ZNF763: variants seen among roughly 807,000 people sequenced by gnomAD.
ZNF763 encodes the protein DNA-binding protein.
ZNF763 carries 33 observed loss-of-function variants against 38.0 expected under a neutral mutation model. The ratio of observed to expected loss-of-function variants is 0.87; its 90% CI spans 0.66 to 1.16. The LOEUF is 1.16. Among genes scored for constraint, ZNF763 ranks in the 50% most tolerant of loss-of-function variants. The probability of loss-of-function intolerance (pLI) is 0.00; values close to 1 mark genes in which losing one functional copy is unlikely to be tolerated. For synonymous variants in ZNF763, 155 were observed against 160.1 expected (o/e 0.97, Z 0.24); for missense variants, 423 against 469.1 (o/e 0.90, Z 0.91).
intron 1 of ZNF763, 101 bp downstream of exon 1, chr19:11,965,312 A>G: frequency 3.9e-6 from 6 of 1,535,928 alleles, no homozygotes; most frequent in Non-Finnish European, 5.3e-6. Context: ...GGGCGACTCC[A>G]GGGTCTGGGA....
Position 11,979,090 on chromosome 19 carries a change from T to C in ZNF763, c.1166T>C (p.Leu389Pro). The change falls in exon 4 of 4, where the codon CTC becomes CCC. Residue 389 changes from leucine (L) to proline (P), a missense_variant. Coordinates refer to ENST00000358987, the MANE Select transcript of ZNF763 (RefSeq NM_001367172.2). ...YKFSNTPKNALWRKTL is the reference protein window; with the variant it reads ...YKFSNTPKNAPWRKTL ...TTTTCAAACACACCTAAGAATGCGC[T>C]CTGGAGAAAGACCTTATAAATGTTA... 6.2e-7 allele frequency: 1 copy of C among 1,614,022 alleles called. No individual in the cohort carries two copies. The highest frequency in any genetic ancestry group is 8.5e-7 in the Non-Finnish European group (1 of 1,179,994).
intron 1 of ZNF763, among the ~76,000 whole-genome samples, chr19:11,974,569 T>C (rs914184003): frequency 2.7e-5 from 4 of 147,678 alleles, no homozygotes; most frequent in African/African-American, 1.0e-4. Flanking sequence ...AATTACATTC[T>C]TTAGGGGGAG....
At chr19:11,976,578 A>AAAC (rs1345741239) in intron 1 of ZNF763, among the ~76,000 whole-genome samples, 9 of 151,098 alleles carry the variant, frequency 6.0e-5, no homozygotes, top group African/African-American at 2.2e-4. Context: ...AAAAAAAAAA[A>AAAC]ATTGCTGGCC....
At chr19:11,969,664 T>C (rs1266009323) in intron 1 of ZNF763, among the ~76,000 whole-genome samples, 1 of 152,194 alleles carries the variant, frequency 6.6e-6, no homozygotes, top group African/African-American at 2.4e-5. Flanking sequence ...TTTCCAAATA[T>C]ATGGGATGCA....
chr19:11,965,379 G>A (rs994032935), intron 1 of ZNF763, among the ~76,000 whole-genome samples, 168 bp downstream of exon 1: 10 of 152,206 alleles, frequency 6.6e-5, no homozygotes, highest in Admixed American at 2.6e-4. Context: ...GATGGGGCTG[G>A]GCTGGCAGCC....
Position 11,978,604 on chromosome 19 carries a change from C to A in ZNF763, c.680C>A (p.Pro227Gln). The A allele has an allele frequency of 6.2e-7, 1 of 1,614,132 alleles. No homozygotes were observed. Among genetic ancestry groups the A allele is most frequent in the Non-Finnish European group, 8.5e-7 (1 of 1,180,020 alleles). The change falls in exon 4 of 4, where the codon CCG becomes CAG. Residue 227 changes from proline to glutamine, a missense_variant. Pro to Gln is a moderately conservative substitution (Grantham distance 76). Transcript: ENST00000358987. ...GAAAGAACTCACACTGGAGAGAAAC[C>A]GTATGAATGTAAACAATGTGTTAAA... ...IHERTHTGEK[P>Q]YECKQCVKSF...
At chr19:11,965,690 G>A (rs904419979) in intron 1 of ZNF763, among the ~76,000 whole-genome samples, 1 of 152,208 alleles carries the variant, frequency 6.6e-6, no homozygotes, top group African/African-American at 2.4e-5. Context: ...CTGGCTTGTG[G>A]TTTGTCAACT....
chr19:11,965,420 G>T (rs1451803249), intron 1 of ZNF763, among the ~76,000 whole-genome samples: 3 of 152,200 alleles, frequency 2.0e-5, no homozygotes, highest in Non-Finnish European at 2.9e-5. Context: ...CTGTCCCTGC[G>T]CGGTGACTGC....
rs1973575675 is a variant in ZNF763, at chr19:11,979,506, A to C, written c.*397A>C. 6.3e-7 allele frequency: 1 copy of C among 1,599,696 alleles called. No homozygotes were observed. Among genetic ancestry groups the C allele is most frequent in the African/African-American group, 1.4e-5 (1 of 74,010 alleles). On this transcript the variant is annotated 3_prime_UTR_variant, in exon 4 of 4. Transcript: ENST00000358987. ...GGCTTTTATTCTCCCACGTCATTTCAAAGACATGAAAAAACTCACACTGCA... is the reference window on the plus strand; with the variant it reads ...GGCTTTTATTCTCCCACGTCATTTCCAAGACATGAAAAAACTCACACTGCA...
At chr19:11,966,053 T>C (rs1973222310) in intron 1 of ZNF763, among the ~76,000 whole-genome samples, 1 of 152,144 alleles carries the variant, frequency 6.6e-6, no homozygotes, top group African/African-American at 2.4e-5. Flanking sequence ...GCCACTTGAT[T>C]CCATCCCAGC....
At chr19:11,970,184 A>G (rs1329848563) in intron 1 of ZNF763, among the ~76,000 whole-genome samples, 1 of 152,204 alleles carries the variant, frequency 6.6e-6, no homozygotes, top group African/African-American at 2.4e-5. Context: ...GATGTTGCTA[A>G]TGAGGAAAAA....
At position 11,978,809 on chromosome 19, in the gene ZNF763, G is replaced by C. The variant is rs1442173123; in HGVS notation, c.885G>C (p.Trp295Cys). ...ECKQCGKSFSWCHSFQIHERT... is the reference protein window; with the variant it reads ...ECKQCGKSFSCCHSFQIHERT... ...AACAATGTGGCAAATCCTTCAGTTG[G>C]TGTCATTCCTTTCAAATACATGAAA... The change falls in exon 4 of 4, where the codon TGG becomes TGC. Residue 295 changes from tryptophan to cysteine, a missense_variant. Coordinates refer to ENST00000358987, the MANE Select transcript of ZNF763 (RefSeq NM_001367172.2). The C allele has an allele frequency of 6.2e-7, 1 of 1,614,026 alleles. No homozygotes were observed. The highest frequency in any genetic ancestry group is 1.1e-5 in the South Asian group (1 of 91,066).
intron 1 of ZNF763, among the ~76,000 whole-genome samples, chr19:11,972,734 G>A (rs961120897): frequency 2.6e-5 from 4 of 152,042 alleles, no homozygotes; most frequent in Non-Finnish European, 5.9e-5. Context: ...TGCCCAAAAC[G>A]TTGAGCAAAT....
In ZNF763 at chr19:11,978,196, G is replaced by T. The variant is rs1973537275; in HGVS notation, c.272G>T (p.Arg91Met). The part of the protein sequence containing the change: ...GETFTQVPDD[R>M]LNFQEKKASP... ...ACTTTTACCCAGGTTCCAGATGACAGGCTGAACTTCCAGGAGAAGAAAGCT... is the reference window on the plus strand; with the variant it reads ...ACTTTTACCCAGGTTCCAGATGACATGCTGAACTTCCAGGAGAAGAAAGCT... The change falls in exon 4 of 4, where the codon AGG (arginine) becomes ATG (methionine). Residue 91 changes from arginine to methionine, a missense_variant. By Grantham distance (91) the Arg-to-Met change is moderately conservative. Coordinates refer to ENST00000358987, the MANE Select transcript of ZNF763 (RefSeq NM_001367172.2). 6.2e-7 allele frequency: 1 copy of T among 1,613,782 alleles called. No individual in the cohort carries two copies. The highest frequency in any genetic ancestry group is 1.3e-5 in the African/African-American group (1 of 75,046).
Position 11,978,773 on chromosome 19 carries a change from A to G in ZNF763, c.849A>G (p.Pro283=). 1.9e-6 allele frequency: 3 copies of G among 1,614,140 alleles called. No homozygotes were observed. The highest frequency in any genetic ancestry group is 2.5e-6 in the Non-Finnish European group (3 of 1,180,016). ...AHKRTHTGGK[P]YECKQCGKSF... is the part of the protein sequence containing the mutation. ...AAAGAACCCACACTGGGGGAAAGCCATATGAATGTAAACAATGTGGCAAAT... is the reference window on the plus strand; with the variant it reads ...AAAGAACCCACACTGGGGGAAAGCCGTATGAATGTAAACAATGTGGCAAAT... Residue 283 remains proline, a synonymous_variant, in exon 4 of 4, where the codon CCA becomes CCG. Transcript: ENST00000358987.
At position 11,974,069 on chromosome 19, in the gene ZNF763, TTTTCTTTCTTTCTTTCTTTC is replaced by T. The variant is rs199661683; in HGVS notation, c.4-2929_4-2910del. Among the ~76,000 whole-genome samples the T allele has an allele frequency of 3.1e-3, 352 of 114,832 alleles. 2 individuals carry two copies. The highest frequency in any genetic ancestry group is 0.011 in the South Asian group (35 of 3,116). 75.3% of individuals were successfully genotyped at this position (114,832 alleles called of 152,430 possible). A position where few individuals can be genotyped will look rare whatever the true frequency, so the allele number is the denominator to read the frequency against. On this transcript the variant is annotated intron_variant, in intron 1 of 3. Coordinates refer to ENST00000358987, the MANE Select transcript of ZNF763 (RefSeq NM_001367172.2). ...CTTTCTTTCTTTCTTTCCTTCTTTC[TTTTCTTTCTTTCTTTCTTTC>T]TTTCTTTCTTTCTTTCTTTCTTTCT... is the stretch of plus-strand genomic sequence containing the variant.
chr19:11,974,065 TTTCTTTTCTTTCTTTC>T (rs1973407064), intron 1 of ZNF763, among the ~76,000 whole-genome samples: 1 of 140,656 alleles, frequency 7.1e-6, no homozygotes. Context: ...TCTTTCCTTC[TTTCTTTTCTTTCTTTC>T]TTTCTTTCTT....
chr19:11,965,897 G>T (rs770413610), intron 1 of ZNF763, among the ~76,000 whole-genome samples: 1 of 152,136 alleles, frequency 6.6e-6, no homozygotes, highest in Admixed American at 6.6e-5. Context: ...AGTTCCATTG[G>T]CAGAAAGGGC....
chr19:11,969,886 T>C (rs973926463), intron 1 of ZNF763, among the ~76,000 whole-genome samples: 1 of 152,194 alleles, frequency 6.6e-6, no homozygotes, highest in Non-Finnish European at 1.5e-5. Flanking sequence ...CTGGAAACTT[T>C]ACAGGGTGAT....
Sources: gnomAD v4.1 joint callset for allele counts (sites outside exome capture counted in the v4.1 genomes callset) on GRCh38, gnomAD v4.1.1 for gene constraint, MANE v1.5 for transcripts, NCBI Gene and HGNC (gene_info 2026-07-23, HGNC 2026-07-21) for gene names.